The following SEMA6D variants were observed in gnomAD, a reference collection of about 807,000 sequenced individuals.
SEMA6D encodes the protein semaphorin-6D.
In SEMA6D, 35 loss-of-function variants were observed where a neutral mutation model predicts 106.6. The observed-to-expected ratio is 0.33, with a 90% CI of 0.25 to 0.44. SEMA6D has a LOEUF of 0.44. Ranked by LOEUF, SEMA6D falls within the 20% of genes least tolerant of loss-of-function variation. The pLI, the probability that SEMA6D is intolerant of heterozygous loss-of-function variation, is 1.00. For missense variants in SEMA6D, 1,185 were observed against 1,345.9 expected, an observed-to-expected ratio of 0.88 and a Z score of 1.87; for synonymous variants, 499 against 487.7, an observed-to-expected ratio of 1.02 and a Z score of -0.31.
At chr15:47,730,545 G>A (rs1204482361) in intron 1 of SEMA6D, 3 of 1,325,594 alleles carry the variant, frequency 2.3e-6, no homozygotes, top group African/African-American at 1.4e-5. Flanking sequence ...AGGACAGGTG[G>A]TCTCTTCGTG....
chr15:47,470,790 G>T (rs1368905870), intron 3 of SEMA6D, among the ~76,000 whole-genome samples: 1 of 151,856 alleles, frequency 6.6e-6, no homozygotes, highest in Non-Finnish European at 1.5e-5. Context: ...AACCCTCTTT[G>T]CCAATTTAGA....
chr15:47,500,730 T>C (rs1275153709), intron 3 of SEMA6D, among the ~76,000 whole-genome samples: 1 of 152,178 alleles, frequency 6.6e-6, no homozygotes, highest in Non-Finnish European at 1.5e-5. Flanking sequence ...TCTAAATCTA[T>C]TTCAAAGGCT....
intron 1 of SEMA6D, among the ~76,000 whole-genome samples, chr15:47,300,986 C>T: frequency 6.6e-6 from 1 of 152,236 alleles, no homozygotes; most frequent in East Asian, 1.9e-4. Flanking sequence ...TGACATGCTA[C>T]TCACTTGCTT....
At chr15:47,415,582 GT>G (rs1054559992) in intron 2 of SEMA6D, among the ~76,000 whole-genome samples, 1 of 151,744 alleles carries the variant, frequency 6.6e-6, no homozygotes, top group Non-Finnish European at 1.5e-5. Context: ...TACAATCCAG[GT>G]TTTTTTTAGC....
chr15:47,316,741 T>C (rs573704769), intron 1 of SEMA6D, among the ~76,000 whole-genome samples: 121 of 152,112 alleles, frequency 8.0e-4, no homozygotes, highest in Non-Finnish European at 1.3e-3. Flanking sequence ...GATGTTGAAA[T>C]TGGACCAACC....
chr15:47,204,902 T>C (rs1894955791), intron 1 of SEMA6D, among the ~76,000 whole-genome samples: 1 of 152,074 alleles, frequency 6.6e-6, no homozygotes, highest in Non-Finnish European at 1.5e-5. Context: ...GTAAAGGGAT[T>C]TGAACCCAAA....
intron 1 of SEMA6D, among the ~76,000 whole-genome samples, chr15:47,720,688 A>T (rs1168399582): frequency 6.6e-6 from 1 of 152,228 alleles, no homozygotes; most frequent in East Asian, 1.9e-4. Context: ...ATTCACAAAG[A>T]TGGCCATAAT....
At chr15:47,229,261 G>C (rs950170795) in intron 1 of SEMA6D, among the ~76,000 whole-genome samples, 3 of 151,792 alleles carry the variant, frequency 2.0e-5, no homozygotes, top group Admixed American at 2.0e-4. Flanking sequence ...CATGGCTCTA[G>C]GACTAAAGAT....
intron 1 of SEMA6D, among the ~76,000 whole-genome samples, chr15:47,289,833 A>G (rs1278107212): frequency 1.3e-5 from 2 of 151,814 alleles, no homozygotes; most frequent in African/African-American, 4.8e-5. Context: ...TATGCATTCT[A>G]GATCACCATC....
chr15:47,730,946 G>A (rs971709652), intron 1 of SEMA6D: 39 of 709,678 alleles, frequency 5.5e-5, no homozygotes, highest in Non-Finnish European at 8.1e-5. Flanking sequence ...CTTGGGCAGC[G>A]GGAGGAGAGA....
At position 47,280,270 on chromosome 15, in the gene SEMA6D, A is replaced by C. The variant is rs1402361945; in HGVS notation, c.-239+95852A>C. Among the ~76,000 whole-genome samples, 327 of 151,986 alleles carry C rather than the reference A, an allele frequency of 2.2e-3. 1 individual carries two copies. The highest frequency in any genetic ancestry group is 5.0e-3 in the African/African-American group (209 of 41,468). ...CTTAGTCTTGGGAGAGTGTATGTGT[A>C]GAGGAATTTATCCATTTCTTCTAGA... On this transcript the variant is annotated intron_variant, in intron 1 of 19. Transcript: ENST00000558014.
intron 4 of SEMA6D, among the ~76,000 whole-genome samples, chr15:47,692,942 A>G (rs2078621040): frequency 6.6e-6 from 1 of 151,050 alleles, no homozygotes. Flanking sequence ...TCTTACAAAA[A>G]GGAGTAGAGA....
At position 47,471,057 on chromosome 15, in the gene SEMA6D, T is replaced by C. The variant is rs61180104; in HGVS notation, c.-87+512T>C. 2.1e-3 allele frequency among the ~76,000 whole-genome samples: 326 copies of C among 152,226 alleles called. 12 individuals are homozygous for C. In the East Asian group the frequency reaches 0.052, roughly 24 times the overall value. On this transcript the variant is annotated intron_variant, in intron 3 of 19. Transcript: ENST00000558014. ...TAGATGGAAATACTCCAAATTATGA[T>C]CAAGTGATGGGAGAAGCAGCAGCCA...
intron 3 of SEMA6D, among the ~76,000 whole-genome samples, chr15:47,484,663 G>T (rs1343283116): frequency 2.6e-5 from 4 of 152,206 alleles, no homozygotes; most frequent in South Asian, 2.1e-4. Flanking sequence ...GAAGATCCAG[G>T]CAGGTAAATG....
chr15:47,557,863 A>T lies in SEMA6D; in HGVS notation c.-86-43002A>T, dbSNP rs189830682. Among the ~76,000 whole-genome samples the T allele has an allele frequency of 3.6e-3, 552 of 152,266 alleles. 5 individuals are homozygous for T. The highest frequency in any genetic ancestry group is 4.6e-3 in the Non-Finnish European group (314 of 67,998). ...AATTTGTTACCCTACAGTGAATGCAAGGTAAGCTGTACTGTTGGTGGCAAA... is the reference window on the plus strand; with the variant it reads ...AATTTGTTACCCTACAGTGAATGCATGGTAAGCTGTACTGTTGGTGGCAAA... On this transcript the variant is annotated intron_variant, in intron 3 of 19. Transcript: ENST00000558014.
chr15:47,762,414 T>G, intron 8 of SEMA6D, 95 bp downstream of exon 8: 1 of 1,362,118 alleles, frequency 7.3e-7, no homozygotes, highest in Non-Finnish European at 1.0e-6. Context: ...AGCGCATGAC[T>G]TTATATTGTT....
intron 1 of SEMA6D, among the ~76,000 whole-genome samples, chr15:47,214,721 A>G (rs1405181198): frequency 6.6e-6 from 1 of 152,202 alleles, no homozygotes; most frequent in Non-Finnish European, 1.5e-5. Context: ...CCTGAGGGAA[A>G]TTGTGATCAC....
intron 1 of SEMA6D, among the ~76,000 whole-genome samples, chr15:47,263,157 A>T (rs1002863532): frequency 2.0e-5 from 3 of 152,202 alleles, no homozygotes; most frequent in South Asian, 4.1e-4. Flanking sequence ...TATGATGAAG[A>T]TGCCAAAAGC....
chr15:47,646,807 T>C (rs140067461), intron 4 of SEMA6D, among the ~76,000 whole-genome samples: 1,608 of 152,284 alleles, frequency 0.011, 18 homozygotes, highest in South Asian at 0.044. Flanking sequence ...AAATATGCCA[T>C]GAGCTGAAAA....
Sources: allele counts gnomAD v4.1 joint callset (sites outside exome capture counted in the v4.1 genomes callset), GRCh38; gene constraint gnomAD v4.1.1; transcripts MANE v1.5; gene names NCBI Gene and HGNC (gene_info 2026-07-23, HGNC 2026-07-21).